Variants in FCRL3 observed in about 807,000 individuals in gnomAD.
FCRL3 encodes the protein Fc receptor like 3.
A neutral mutation model predicts 75.0 loss-of-function variants in FCRL3; 89 were observed. That is an observed-to-expected ratio of 1.19 (90% CI 1.00 to 1.42). FCRL3 has a LOEUF of 1.42. Ranked by LOEUF, FCRL3 falls within the 40% of genes most tolerant of loss-of-function variation. The pLI, the probability that FCRL3 is intolerant of heterozygous loss-of-function variation, is 0.00. For missense variants in FCRL3, 946 were observed against 880.0 expected (o/e 1.07, Z -0.95); for synonymous variants, 376 against 348.5 (o/e 1.08, Z -0.88).
intron 3 of FCRL3, 46 bp downstream of exon 3, chr1:157,699,646 G>A (rs1656185227): frequency 6.2e-7 from 1 of 1,610,340 alleles, no homozygotes; most frequent in African/African-American, 1.3e-5. Flanking sequence ...GGGCTGAGGG[G>A]ACCAATATCC....
Position 157,700,751 on chromosome 1 carries a change from G to T in FCRL3, c.-186C>A. ...TTCCATCAGCTGCAGTCTCTCAGGA[G>T]TAATGTCTCCAAGACTGTGCCTGGG... On this transcript the variant is annotated 5_prime_UTR_variant, in exon 1 of 15. Transcript: ENST00000368184. The T allele has an allele frequency of 7.2e-7, 1 of 1,384,324 alleles. No individual in the cohort carries two copies. 85.8% of individuals were successfully genotyped at this position (1,384,324 alleles called of 1,614,324 possible).
At chr1:157,688,160 A>G (rs1239693284) in intron 10 of FCRL3, among the ~76,000 whole-genome samples, 8 of 152,136 alleles carry the variant, frequency 5.3e-5, no homozygotes, top group East Asian at 1.9e-4. Flanking sequence ...ATATTAAACT[A>G]AACAAAACCG....
intron 2 of FCRL3, among the ~76,000 whole-genome samples, chr1:157,700,190 A>G (rs1656226224): frequency 1.3e-5 from 2 of 152,202 alleles, no homozygotes; most frequent in Non-Finnish European, 2.9e-5. Flanking sequence ...GGTGGGATAT[A>G]GAGTTGTGGT....
At position 157,696,141 on chromosome 1, in the gene FCRL3, T is replaced by A. The variant is rs564259735; in HGVS notation, c.1031A>T (p.His344Leu). The A allele has an allele frequency of 5.5e-5, 88 of 1,613,996 alleles. No homozygotes were observed. The East Asian group carries it at 8.7e-4, about 16-fold the overall frequency. ...KTQRSLLAEL[H>L]VLTVKESDAG... ...ATCACTCTCCTTCACGGTGAGAACA[T>A]GCAGCTCTGCCAACAGGGAACGCTG... The change falls in exon 7 of 15, where the codon CAT becomes CTT. Residue 344 changes from histidine to leucine, a missense_variant. His to Leu is a moderately conservative substitution (Grantham distance 99). Transcript: ENST00000368184.
At chr1:157,686,573 A>G (rs187707514) in intron 10 of FCRL3, among the ~76,000 whole-genome samples, 2 of 152,300 alleles carry the variant, frequency 1.3e-5, no homozygotes, top group Admixed American at 1.3e-4. Context: ...ATAGTATAGT[A>G]CTGATACAAA....
chr1:157,698,746 G>A (rs1381626122), intron 3 of FCRL3, 117 bp from the exon 4 acceptor site: 1 of 1,059,578 alleles, frequency 9.4e-7, no homozygotes, highest in South Asian at 1.6e-5. Context: ...GTCAGGACCA[G>A]GGTGGAAAAT....
intron 10 of FCRL3, among the ~76,000 whole-genome samples, 191 bp downstream of exon 10, chr1:157,689,607 G>A (rs1655381713): frequency 6.6e-6 from 1 of 152,244 alleles, no homozygotes; most frequent in Admixed American, 6.5e-5. Flanking sequence ...TTAAACACAT[G>A]AGGTAAAAAT....
chr1:157,693,550 C>T (rs1416712642), intron 8 of FCRL3, among the ~76,000 whole-genome samples: 1 of 152,072 alleles, frequency 6.6e-6, no homozygotes, highest in Non-Finnish European at 1.5e-5. Flanking sequence ...AAACTCAGAA[C>T]CAAACCTCAA....
chr1:157,689,860 CTG>C lies in FCRL3; in HGVS notation c.1746_1747del (p.Ser583HisfsTer30). 1 of 1,614,184 alleles carries C rather than the reference CTG, an allele frequency of 6.2e-7. No individual in the cohort carries two copies. The stretch of plus-strand genomic sequence containing the variant: ...AGCAGCAGCAGCAAGGACGAGGATG[CTG>C]AGCACCAGCCCCGTGATTCCCGCAG... On this transcript the variant is annotated frameshift_variant, in exon 10 of 15. Coordinates refer to ENST00000368184, the MANE Select transcript of FCRL3 (RefSeq NM_052939.4). LOFTEE classifies it high-confidence loss of function.
chr1:157,679,448 G>A (rs912211510), intron 13 of FCRL3, among the ~76,000 whole-genome samples: 1 of 152,124 alleles, frequency 6.6e-6, no homozygotes, highest in Non-Finnish European at 1.5e-5. Flanking sequence ...GGCATTCTAA[G>A]GCCACATGAC....
Position 157,695,318 on chromosome 1 carries a change from A to G in FCRL3, c.1411+11T>C, listed in dbSNP as rs760193665. The G allele has an allele frequency of 6.2e-7, 1 of 1,609,414 alleles. No individual in the cohort carries two copies. The highest frequency in any genetic ancestry group is 8.5e-7 in the Non-Finnish European group (1 of 1,177,378). On this transcript the variant is annotated intron_variant, in intron 8 of 14. Coordinates refer to ENST00000368184, the MANE Select transcript of FCRL3 (RefSeq NM_052939.4). Reference sequence around the variant, plus strand: ...ATTGGCTGTTAACTGCTGTGGGTATATCTTGCTTACCTGTGACCCTGAGAC... The same window carrying G: ...ATTGGCTGTTAACTGCTGTGGGTATGTCTTGCTTACCTGTGACCCTGAGAC...
chr1:157,697,005 G>T, intron 6 of FCRL3, 135 bp downstream of exon 6: 1 of 877,886 alleles, frequency 1.1e-6, no homozygotes, highest in Non-Finnish European at 1.5e-6. Context: ...CCAACGTTGA[G>T]CTTAAAGAGA....
chr1:157,697,066 A>G (rs1343846897), intron 6 of FCRL3, 74 bp downstream of exon 6: 48 of 1,303,080 alleles, frequency 3.7e-5, no homozygotes, highest in Non-Finnish European at 4.4e-5. Context: ...CCACCATCCT[A>G]GGGGTGCAGG....
chr1:157,698,308 G>A, intron 4 of FCRL3, 76 bp downstream of exon 4: 2 of 1,557,818 alleles, frequency 1.3e-6, no homozygotes, highest in Non-Finnish European at 1.8e-6. Context: ...ACTCTGCCTA[G>A]GATCCCTGCA....
At position 157,695,455 on chromosome 1, in the gene FCRL3, C is replaced by A; in HGVS notation, c.1285G>T (p.Ala429Ser). Residue 429 changes from alanine to serine, a missense_variant, in exon 8 of 15, where the codon GCC (alanine) becomes TCC (serine). By Grantham distance (99) the Ala-to-Ser change is moderately conservative. Transcript: ENST00000368184. ...AAGGAGGCTCCTCCTCCAGAGGGGG[C>A]TGAGCTGTTCCCCAGGGTGACATCC... ...HEDVTLGNSS[A>S]PSGGGASFNL... The A allele has an allele frequency of 6.2e-7, 1 of 1,614,210 alleles. No individual in the cohort carries two copies. The highest frequency in any genetic ancestry group is 8.5e-7 in the Non-Finnish European group (1 of 1,180,028).
chr1:157,696,890 C>T lies in FCRL3; in HGVS notation c.844+250G>A, dbSNP rs138397914. 1.4e-3 allele frequency: 442 copies of T among 326,802 alleles called. 2 individuals carry two copies. The highest frequency in any genetic ancestry group is 8.7e-3 in the African/African-American group (408 of 46,994). 20.2% of individuals were successfully genotyped at this position (326,802 alleles called of 1,614,324 possible). A position where few individuals can be genotyped will look rare whatever the true frequency, so the allele number is the denominator to read the frequency against. ...GTTGTCTCTTGATTCATGAGAGAACCGATCTTGTACATCTCTGTAACCCCA... is the reference window on the plus strand; with the variant it reads ...GTTGTCTCTTGATTCATGAGAGAACTGATCTTGTACATCTCTGTAACCCCA... On this transcript the variant is annotated intron_variant, in intron 6 of 14. Transcript: ENST00000368184.
rs112655761 is a variant in FCRL3, at chr1:157,677,821, G to A, written c.*889C>T. The A allele has an allele frequency of 7.7e-3, 3,994 of 519,330 alleles. 158 individuals are homozygous for A. In the African/African-American group the frequency reaches 0.077, roughly 10 times the overall value. 32.2% of individuals were successfully genotyped at this position (519,330 alleles called of 1,614,324 possible). On this transcript the variant is annotated 3_prime_UTR_variant, in exon 15 of 15. Coordinates refer to ENST00000368184, the MANE Select transcript of FCRL3 (RefSeq NM_052939.4). ...GGAAAACATGTAGATACATTAATAT[G>A]ATAGAAATAGGAGAGCATGGGAATA...
At position 157,676,659 on chromosome 1, in the gene FCRL3, G is replaced by A; in HGVS notation, c.*2051C>T. 6.8e-7 allele frequency: 1 copy of A among 1,471,776 alleles called. No homozygotes were observed. The highest frequency in any genetic ancestry group is 9.3e-7 in the Non-Finnish European group (1 of 1,076,442). The allele number at this position is 1,471,776 out of a possible 1,614,324, so 91.2% of individuals were successfully genotyped here. Reference sequence around the variant, plus strand: ...TTTGCACATTTGTTATATCCGAGATGTACAGTTAGGACTCACCCCTTCTTC... The same window carrying A: ...TTTGCACATTTGTTATATCCGAGATATACAGTTAGGACTCACCCCTTCTTC... On this transcript the variant is annotated 3_prime_UTR_variant, in exon 15 of 15. Transcript: ENST00000368184.
chr1:157,690,715 T>A (rs1024766474), intron 8 of FCRL3, among the ~76,000 whole-genome samples, 182 bp from the exon 9 acceptor site: 2 of 152,336 alleles, frequency 1.3e-5, no homozygotes, highest in South Asian at 2.1e-4. Flanking sequence ...AAGAACTTTT[T>A]AATTTCTCTA....
Sources: gnomAD v4.1 joint callset for allele counts (sites outside exome capture counted in the v4.1 genomes callset) on GRCh38, gnomAD v4.1.1 for gene constraint, MANE v1.5 for transcripts, NCBI Gene and HGNC (gene_info 2026-07-23, HGNC 2026-07-21) for gene names.